Variants in AKT3 observed in about 807,000 individuals in gnomAD.
AKT3 encodes RAC-gamma serine/threonine-protein kinase.
Under a neutral mutation model 65.3 loss-of-function variants are expected in AKT3, and 15 were observed. That is an observed-to-expected ratio of 0.23 (90% CI 0.15 to 0.35). The LOEUF (loss-of-function observed/expected upper bound fraction) is 0.35, where lower values mean the gene tolerates loss of function less well. Ranked by LOEUF, AKT3 falls within the 10% of genes least tolerant of loss-of-function variation. The pLI, the probability that AKT3 is intolerant of heterozygous loss-of-function variation, is 1.00. For missense variants in AKT3, 243 were observed against 576.5 expected (o/e 0.42, Z 5.92); for synonymous variants, 206 against 183.8 (o/e 1.12, Z -0.98).
rs572482336 is a variant in AKT3, at chr1:243,544,275, G to C, written c.1251+1235C>G. Reference sequence around the variant, plus strand: ...AAAAAAAAAAAAAAAGCAGGGGGAGGGGGGGACAGACATAATAATTTCCTG... The same window carrying C: ...AAAAAAAAAAAAAAAGCAGGGGGAGCGGGGGACAGACATAATAATTTCCTG... On this transcript the variant is annotated intron_variant, in intron 12 of 13. Transcript: ENST00000673466. Among the ~76,000 whole-genome samples, 15 of 149,818 alleles carry C rather than the reference G, an allele frequency of 1.0e-4. No homozygotes were observed. In the South Asian group the frequency reaches 1.5e-3, roughly 15 times the overall value.
At chr1:243,745,474 T>C (rs1688425270) in intron 2 of AKT3, among the ~76,000 whole-genome samples, 1 of 152,194 alleles carries the variant, frequency 6.6e-6, no homozygotes, top group Admixed American at 6.5e-5. Context: ...CAATCCTCCT[T>C]ATTTTACAAA....
intron 2 of AKT3, among the ~76,000 whole-genome samples, chr1:243,699,804 T>C (rs1266257599): frequency 6.6e-6 from 1 of 152,080 alleles, no homozygotes; most frequent in Non-Finnish European, 1.5e-5. Context: ...CCTGGAGAAT[T>C]ATCTAGGTAA....
intron 2 of AKT3, among the ~76,000 whole-genome samples, chr1:243,709,319 A>C (rs1260876156): frequency 1.3e-5 from 2 of 151,496 alleles, no homozygotes; most frequent in African/African-American, 2.4e-5. Flanking sequence ...TATTGAAGGA[A>C]GATAAAAATT....
intron 4 of AKT3, among the ~76,000 whole-genome samples, chr1:243,664,296 A>C (rs2147919567): frequency 7.5e-6 from 1 of 132,682 alleles, no homozygotes; most frequent in South Asian, 2.3e-4. Context: ...TCCTGGGTTC[A>C]TGCCATTCTC....
intron 6 of AKT3, among the ~76,000 whole-genome samples, chr1:243,633,329 G>C (rs960362711): frequency 1.3e-5 from 2 of 151,966 alleles, no homozygotes; most frequent in African/African-American, 4.8e-5. Context: ...TTAAAGATCT[G>C]GTAAAGCTAA....
chr1:243,521,903 TA>T (rs1374127325), intron 12 of AKT3, among the ~76,000 whole-genome samples: 4 of 152,206 alleles, frequency 2.6e-5, no homozygotes, highest in African/African-American at 9.6e-5. Context: ...CATTCAAAAA[TA>T]ACTTCATAAG....
chr1:243,824,800 T>C (rs573595530), intron 2 of AKT3, among the ~76,000 whole-genome samples: 2 of 152,326 alleles, frequency 1.3e-5, no homozygotes, highest in Admixed American at 6.5e-5. Context: ...TTTTACACCA[T>C]TGGTGGGAAA....
rs1669431304 is a variant in AKT3, at chr1:243,503,169, T to C, written c.*2080A>G. 2 of 233,444 alleles carry C rather than the reference T, an allele frequency of 8.6e-6. No individual in the cohort carries two copies. The allele number at this position is 233,444 out of a possible 1,614,324, so 14.5% of individuals were successfully genotyped here. A position where few individuals can be genotyped will look rare whatever the true frequency, so the allele number is the denominator to read the frequency against. ...CCATTTACTGTAACTTCCTACTCAA[T>C]ACTAAGGATGAACTTCACTCAGGTA... On this transcript the variant is annotated 3_prime_UTR_variant, in exon 14 of 14. Coordinates refer to ENST00000673466, the MANE Select transcript of AKT3 (RefSeq NM_005465.7).
intron 6 of AKT3, among the ~76,000 whole-genome samples, chr1:243,616,759 G>A (rs181816301): frequency 1.0e-3 from 158 of 152,218 alleles, no homozygotes; most frequent in African/African-American, 3.7e-3. Flanking sequence ...ATTAATCAAA[G>A]AAGCTAAGAT....
At chr1:243,734,646 T>C (rs1687744888) in intron 2 of AKT3, among the ~76,000 whole-genome samples, 1 of 152,166 alleles carries the variant, frequency 6.6e-6, no homozygotes, top group South Asian at 2.1e-4. Context: ...GGTGAGTGAA[T>C]ATGAAGGTCT....
At chr1:243,846,707 T>C (rs988176155) in intron 1 of AKT3, among the ~76,000 whole-genome samples, 1 of 152,204 alleles carries the variant, frequency 6.6e-6, no homozygotes, top group Non-Finnish European at 1.5e-5. Flanking sequence ...TTTTATTAAC[T>C]TGATGCTATG....
intron 3 of AKT3, among the ~76,000 whole-genome samples, chr1:243,677,034 A>G (rs1351066637): frequency 6.6e-6 from 1 of 152,252 alleles, no homozygotes. Flanking sequence ...TTCATAAGGA[A>G]GCCCCATTAA....
In AKT3 at chr1:243,809,298, G is replaced by A. The variant is rs1293969642; in HGVS notation, c.46+33827C>T. Reference sequence around the variant, plus strand: ...TATTCAGGAAACCCATCTCATGTGCGGAGACACACATAGGCTCAAAATAAA... The same window carrying A: ...TATTCAGGAAACCCATCTCATGTGCAGAGACACACATAGGCTCAAAATAAA... On this transcript the variant is annotated intron_variant, in intron 2 of 13. Transcript: ENST00000673466. 1.4e-4 allele frequency among the ~76,000 whole-genome samples: 21 copies of A among 152,152 alleles called. No individual in the cohort carries two copies. The South Asian group carries it at 1.7e-3, about 12-fold the overall frequency.
chr1:243,603,185 T>G (rs1256912485), intron 8 of AKT3, among the ~76,000 whole-genome samples: 1 of 152,194 alleles, frequency 6.6e-6, no homozygotes, highest in African/African-American at 2.4e-5. Context: ...AATGCCCCAC[T>G]GAAATTGCAC....
At chr1:243,658,757 T>C (rs572998891) in intron 4 of AKT3, among the ~76,000 whole-genome samples, 46 of 151,900 alleles carry the variant, frequency 3.0e-4, no homozygotes, top group East Asian at 9.7e-4. Context: ...AGAAAATGTA[T>C]TGGCCGGCAG....
chr1:243,670,901 T>A (rs1332826871), intron 3 of AKT3, among the ~76,000 whole-genome samples: 1 of 152,060 alleles, frequency 6.6e-6, no homozygotes, highest in East Asian at 1.9e-4. Context: ...TTAGAGAGAC[T>A]GCAACATGTC....
intron 4 of AKT3, among the ~76,000 whole-genome samples, chr1:243,652,231 G>A (rs1018704709): frequency 1.3e-5 from 2 of 151,824 alleles, no homozygotes; most frequent in African/African-American, 2.4e-5. Flanking sequence ...TGTATTTCTG[G>A]TAGAGTTGGG....
chr1:243,840,965 A>C (rs1000971102), intron 2 of AKT3, among the ~76,000 whole-genome samples: 17 of 152,148 alleles, frequency 1.1e-4, no homozygotes, highest in Non-Finnish European at 2.4e-4. Context: ...AATAGGAAAA[A>C]AAGTTCTAAA....
chr1:243,767,966 T>A (rs1306500604), intron 2 of AKT3, among the ~76,000 whole-genome samples: 2 of 151,808 alleles, frequency 1.3e-5, no homozygotes, highest in Non-Finnish European at 2.9e-5. Context: ...GGATCAAAGC[T>A]TAGAAAATTG....
Sources: gnomAD v4.1 joint callset for allele counts (sites outside exome capture counted in the v4.1 genomes callset) on GRCh38, gnomAD v4.1.1 for gene constraint, MANE v1.5 for transcripts, NCBI Gene and HGNC (gene_info 2026-07-23, HGNC 2026-07-21) for gene names.